Variants in PRELID2 observed in about 807,000 individuals in gnomAD.
PRELID2 encodes the protein PRELI domain containing 2, also known as PRELI domain-containing protein 2.
A neutral mutation model predicts 28.4 loss-of-function variants in PRELID2; 25 were observed. The ratio of observed to expected loss-of-function variants is 0.88; its 90% CI spans 0.64 to 1.23. The LOEUF (loss-of-function observed/expected upper bound fraction) is 1.23, where lower values mean the gene tolerates loss of function less well. Among genes scored for constraint, PRELID2 ranks in the 50% most tolerant of loss-of-function variants. The pLI is 0.00. For missense variants in PRELID2, 201 were observed against 214.4 expected (o/e 0.94, Z 0.39); for synonymous variants, 76 against 71.6 (o/e 1.06, Z -0.31).
At chr5:145,342,123 A>G in the PRELID2 span, among the ~76,000 whole-genome samples, 2 of 152,352 alleles carry the variant, frequency 1.3e-5, no homozygotes, top group African/African-American at 4.8e-5. Context: ...TGCTGAAAGA[A>G]TAAACTACCA....
At chr5:145,265,306 A>T in the PRELID2 span, among the ~76,000 whole-genome samples, 1 of 152,180 alleles carries the variant, frequency 6.6e-6, no homozygotes, top group Non-Finnish European at 1.5e-5. Flanking sequence ...ACACTGCTGA[A>T]AGAAATCATA....
the PRELID2 span, among the ~76,000 whole-genome samples, chr5:145,286,397 T>C: frequency 6.6e-6 from 1 of 152,168 alleles, no homozygotes; most frequent in Non-Finnish European, 1.5e-5. Context: ...CTGAGAACTT[T>C]ACATGTTATT....
chr5:145,776,342 ACT>A (rs1758408349), intron 5 of PRELID2, among the ~76,000 whole-genome samples: 2 of 152,116 alleles, frequency 1.3e-5, no homozygotes, highest in South Asian at 4.1e-4. Flanking sequence ...TGTTCAAGTA[ACT>A]CTTATTTTAC....
At chr5:145,513,686 A>G (rs1451108221) in intron 1 of PRELID2, among the ~76,000 whole-genome samples, 2 of 152,190 alleles carry the variant, frequency 1.3e-5, no homozygotes, top group African/African-American at 4.8e-5. Context: ...TCCAAGACAC[A>G]TAATTGTCAG....
chr5:145,631,005 G>A (rs1581014106), intron 1 of PRELID2, among the ~76,000 whole-genome samples: 1 of 152,168 alleles, frequency 6.6e-6, no homozygotes, highest in African/African-American at 2.4e-5. Context: ...TTCCTCATAT[G>A]TGAAATGGGG....
intron 1 of PRELID2, among the ~76,000 whole-genome samples, chr5:145,553,856 C>T (rs1350359293): frequency 3.3e-5 from 5 of 152,154 alleles, no homozygotes; most frequent in East Asian, 3.9e-4. Flanking sequence ...AATATTACAA[C>T]AGCCCTTAGA....
chr5:145,671,338 A>T (rs1196452619), intron 1 of PRELID2, among the ~76,000 whole-genome samples: 1 of 152,198 alleles, frequency 6.6e-6, no homozygotes, highest in Non-Finnish European at 1.5e-5. Flanking sequence ...TTTTAGGTCC[A>T]ATAGAGTACT....
chr5:145,726,842 T>C (rs1489448443), intron 1 of PRELID2, among the ~76,000 whole-genome samples: 4 of 152,178 alleles, frequency 2.6e-5, no homozygotes, highest in Non-Finnish European at 5.9e-5. Flanking sequence ...CTGTGGGAGC[T>C]TGCTCTGCCC....
chr5:145,474,558 C>T (rs945685721), intron 1 of PRELID2, among the ~76,000 whole-genome samples: 1 of 152,128 alleles, frequency 6.6e-6, no homozygotes, highest in East Asian at 1.9e-4. Flanking sequence ...GAGTGGCAGG[C>T]AATTACTCAC....
At chr5:145,479,531 T>C (rs982012764) in intron 1 of PRELID2, among the ~76,000 whole-genome samples, 15 of 152,172 alleles carry the variant, frequency 9.9e-5, no homozygotes, top group African/African-American at 3.4e-4. Context: ...CATTGTGTTA[T>C]TACCATTCAC....
At chr5:145,585,782 T>C (rs1342945048) in intron 1 of PRELID2, among the ~76,000 whole-genome samples, 1 of 152,116 alleles carries the variant, frequency 6.6e-6, no homozygotes, top group Non-Finnish European at 1.5e-5. Flanking sequence ...TGCATTCTAG[T>C]ATACTTTCTT....
rs56818178 is a variant in PRELID2, at chr5:145,825,225, CAAAAAAAAAAAAAAAAAAAAAA to C, written c.76-2113_76-2092del. Among the ~76,000 whole-genome samples, 228 of 60,458 alleles carry C rather than the reference CAAAAAAAAAAAAAAAAAAAAAA, an allele frequency of 3.8e-3. 1 individual carries two copies. Among genetic ancestry groups the C allele is most frequent in the Admixed American group, 0.019 (69 of 3,562 alleles). 39.7% of individuals were successfully genotyped at this position (60,458 alleles called of 152,430 possible). A position where few individuals can be genotyped will look rare whatever the true frequency, so the allele number is the denominator to read the frequency against. On this transcript the variant is annotated intron_variant, in intron 1 of 6. Coordinates refer to ENST00000683046, the MANE Select transcript of PRELID2 (RefSeq NM_205846.3). ...TCGGTGATAGAGTGAGACTCTGTCT[CAAAAAAAAAAAAAAAAAAAAAA>C]AAAAAAAAAAAAACTTGGAACTACA...
intron 1 of PRELID2, among the ~76,000 whole-genome samples, chr5:145,622,937 T>C (rs1025764871): frequency 3.3e-5 from 5 of 152,002 alleles, no homozygotes; most frequent in Non-Finnish European, 7.4e-5. Context: ...TTTATTTTAT[T>C]CTAACATAGC....
At chr5:145,306,246 C>T in the PRELID2 span, among the ~76,000 whole-genome samples, 2 of 152,124 alleles carry the variant, frequency 1.3e-5, no homozygotes, top group Admixed American at 1.3e-4. Context: ...AATATTATGT[C>T]AGTCGGAATA....
At chr5:145,635,422 A>G (rs1753986998) in intron 1 of PRELID2, among the ~76,000 whole-genome samples, 2 of 152,182 alleles carry the variant, frequency 1.3e-5, no homozygotes, top group Non-Finnish European at 2.9e-5. Context: ...TATAATATAT[A>G]CCAGGTATTA....
At chr5:145,656,763 GA>G in intron 1 of PRELID2, among the ~76,000 whole-genome samples, 1 of 118,488 alleles carries the variant, frequency 8.4e-6, no homozygotes, top group Non-Finnish European at 1.7e-5. Context: ...GGGGTGGGGG[GA>G]GGGGGGAGGG....
At chr5:145,462,157 A>T in the PRELID2 span, among the ~76,000 whole-genome samples, 27 of 152,342 alleles carry the variant, frequency 1.8e-4, no homozygotes, top group African/African-American at 6.5e-4. Context: ...GTACGTAAGC[A>T]TGACAAAAAG....
chr5:145,512,957 G>A lies in PRELID2; in HGVS notation n.71-39642C>T, dbSNP rs548618652. ...TAGCATCAACATCAACAAAAAGGAC[G>A]TCCACACAAAAACCCCATCCGAAGG... is the stretch of plus-strand genomic sequence containing the variant. On this transcript the variant is annotated intron_variant and non_coding_transcript_variant, in intron 1 of 2. Transcript: ENST00000510259. Among the ~76,000 whole-genome samples, 9 of 152,020 alleles carry A rather than the reference G, an allele frequency of 5.9e-5. No individual in the cohort carries two copies. In the South Asian group the frequency reaches 6.2e-4, roughly 11 times the overall value.
chr5:145,248,826 G>A, the PRELID2 span, among the ~76,000 whole-genome samples: 44 of 152,098 alleles, frequency 2.9e-4, no homozygotes, highest in Non-Finnish European at 4.6e-4. Flanking sequence ...AAGTTTTTCT[G>A]CACTCTGGCA....
Sources: gnomAD v4.1 joint callset for allele counts (sites outside exome capture counted in the v4.1 genomes callset) on GRCh38, gnomAD v4.1.1 for gene constraint, MANE v1.5 for transcripts, NCBI Gene and HGNC (gene_info 2026-07-23, HGNC 2026-07-21) for gene names.